DMD: variants seen among roughly 807,000 people sequenced by gnomAD.
The protein encoded by DMD is mutant dystrophin.
A neutral mutation model predicts 330.1 loss-of-function variants in DMD; 63 were observed. That is an observed-to-expected ratio of 0.19 (90% CI 0.16 to 0.24). The LOEUF (loss-of-function observed/expected upper bound fraction) is 0.24, where lower values mean the gene tolerates loss of function less well. Among genes scored for constraint, DMD ranks in the 10% least tolerant of loss-of-function variants. DMD has a pLI of 1.00. For synonymous variants in DMD, 1,223 were observed against 959.8 expected (o/e 1.27, Z -5.07); for missense variants, 3,344 against 2,684.1 (o/e 1.25, Z -5.43).
chrX:32,160,274 T>C (rs1158799983), intron 44 of DMD, among the ~76,000 whole-genome samples: 1 of 108,586 alleles, frequency 9.2e-6, no homozygotes, highest in Non-Finnish European at 1.9e-5. Context: ...CACTCTGTCA[T>C]GTGGGCTGGA....
intron 4 of DMD, among the ~76,000 whole-genome samples, chrX:32,842,792 G>C (rs1283301674): frequency 9.3e-6 from 1 of 107,189 alleles, no homozygotes; most frequent in Non-Finnish European, 1.9e-5. Context: ...ATTTCATGCT[G>C]TATATGTACC....
At chrX:31,555,017 G>A (rs1242248610) in intron 55 of DMD, among the ~76,000 whole-genome samples, 2 of 111,831 alleles carry the variant, frequency 1.8e-5, no homozygotes, top group Non-Finnish European at 3.8e-5. Flanking sequence ...CCATTTGATG[G>A]AGGGCCAGAA....
intron 49 of DMD, among the ~76,000 whole-genome samples, chrX:31,826,886 T>C (rs976341241): frequency 8.9e-6 from 1 of 112,123 alleles, no homozygotes; most frequent in African/African-American, 3.2e-5. Flanking sequence ...TGAATTCGTG[T>C]TCTACCAAAA....
chrX:32,475,100 T>A (rs1297309596), intron 21 of DMD, among the ~76,000 whole-genome samples: 1 of 111,394 alleles, frequency 9.0e-6, no homozygotes, highest in African/African-American at 3.3e-5. Flanking sequence ...CAGCACCATT[T>A]GATGAAAAGG....
At position 32,153,295 on chromosome X, in the gene DMD, C is replaced by T. The variant is rs879085411; in HGVS notation, c.6438+63621G>A. On this transcript the variant is annotated intron_variant, in intron 44 of 78. Coordinates refer to ENST00000357033, the MANE Select transcript of DMD (RefSeq NM_004006.3). ...TTAATGATTAAATAAGCACTCTTAG[C>T]GAAGACCTTTAAGTGTTATTTTTTA... 2.0e-4 allele frequency among the ~76,000 whole-genome samples: 22 copies of T among 111,540 alleles called. 1 individual carries two copies. The highest frequency in any genetic ancestry group is 9.6e-4 in the Admixed American group (10 of 10,463).
chrX:31,987,927 T>C (rs1435445081), intron 44 of DMD, among the ~76,000 whole-genome samples: 1 of 112,014 alleles, frequency 8.9e-6, no homozygotes, highest in East Asian at 2.8e-4. Context: ...AGCCAAGATA[T>C]AGAATCAACT....
intron 41 of DMD, among the ~76,000 whole-genome samples, chrX:32,328,988 C>G (rs1307523637): frequency 1.8e-5 from 2 of 111,428 alleles, no homozygotes; most frequent in African/African-American, 6.5e-5. Flanking sequence ...ACAACCAACT[C>G]TGAAACTGCA....
chrX:31,206,698 TACTG>T, intron 65 of DMD, 31 bp from the exon 66 acceptor site: 2 of 1,123,622 alleles, frequency 1.8e-6, no homozygotes, highest in Non-Finnish European at 2.4e-6. Flanking sequence ...AGAAAACAAT[TACTG>T]ACCCTTTCCT....
At chrX:32,030,235 A>C (rs935929952) in intron 44 of DMD, among the ~76,000 whole-genome samples, 3 of 112,315 alleles carry the variant, frequency 2.7e-5, no homozygotes, top group African/African-American at 9.7e-5. Flanking sequence ...CTGTTATCTA[A>C]TTGTTATTTG....
chrX:32,739,324 T>C (rs779644464), intron 7 of DMD, among the ~76,000 whole-genome samples: 2 of 111,935 alleles, frequency 1.8e-5, no homozygotes, highest in South Asian at 7.4e-4. Context: ...CCAAGTCTTT[T>C]ACCCTAATGT....
intron 17 of DMD, among the ~76,000 whole-genome samples, chrX:32,528,603 T>A (rs1451409434): frequency 9.0e-6 from 1 of 111,250 alleles, no homozygotes; most frequent in African/African-American, 3.3e-5. Flanking sequence ...AGAAGGGAAG[T>A]GGGGGTCAGA....
chrX:32,528,079 C>T (rs972144447), intron 17 of DMD, among the ~76,000 whole-genome samples: 1 of 111,927 alleles, frequency 8.9e-6, no homozygotes, highest in African/African-American at 3.3e-5. Flanking sequence ...GAGGCCGAGG[C>T]GGGCAGTTCA....
rs73466395 is a variant in DMD, at chrX:31,364,131, C to G, written c.9085-15497G>C. On this transcript the variant is annotated intron_variant, in intron 60 of 78. Transcript: ENST00000357033. ...TGTGCTGACACAGAGTCTAGAAGAT[C>G]TGCATTGTGATCTGATGGCTTCCCT... Among the ~76,000 whole-genome samples the G allele has an allele frequency of 0.012, 1,316 of 112,793 alleles. 14 individuals are homozygous for G. The highest frequency in any genetic ancestry group is 0.04 in the African/African-American group (1,238 of 31,105).
Position 32,982,271 on chromosome X carries a change from A to T in DMD, c.93+37868T>A, listed in dbSNP as rs191791423. 1.3e-4 allele frequency among the ~76,000 whole-genome samples: 15 copies of T among 111,673 alleles called. No individual in the cohort carries two copies. The East Asian group carries it at 2.8e-3, about 21-fold the overall frequency. ...TGCAAATTAGTATAAGCCTTTGCTC[A>T]TCCATTCCAAGTAAAGCAGAAGCAC... is the stretch of plus-strand genomic sequence containing the variant. On this transcript the variant is annotated intron_variant, in intron 2 of 78. Coordinates refer to ENST00000357033, the MANE Select transcript of DMD (RefSeq NM_004006.3).
At chrX:31,729,052 G>A (rs1224930545) in intron 52 of DMD, among the ~76,000 whole-genome samples, 1 of 111,866 alleles carries the variant, frequency 8.9e-6, no homozygotes, top group Non-Finnish European at 1.9e-5. Context: ...CCATTAAATG[G>A]ATAGGAGTGT....
chrX:31,416,792 A>C (rs1569539966), intron 60 of DMD, among the ~76,000 whole-genome samples: 1 of 112,103 alleles, frequency 8.9e-6, no homozygotes, highest in Non-Finnish European at 1.9e-5. Flanking sequence ...CACGTGACCT[A>C]AATTCACTTA....
intron 44 of DMD, among the ~76,000 whole-genome samples, chrX:32,133,391 C>T (rs1262669845): frequency 2.7e-5 from 3 of 111,214 alleles, no homozygotes; most frequent in Non-Finnish European, 5.7e-5. Flanking sequence ...GTTGTCATTT[C>T]TATCTATATT....
At chrX:32,316,780 G>T (rs757885461) in intron 41 of DMD, among the ~76,000 whole-genome samples, 2 of 110,680 alleles carry the variant, frequency 1.8e-5, no homozygotes, top group Non-Finnish European at 3.8e-5. Flanking sequence ...TGAATCAAAA[G>T]AGAACCAGAC....
At chrX:31,604,257 C>A (rs758977370) in intron 55 of DMD, among the ~76,000 whole-genome samples, 9 of 111,892 alleles carry the variant, frequency 8.0e-5, no homozygotes, top group Non-Finnish European at 1.7e-4. Context: ...CATAGTAACT[C>A]ATTGTTTTAC....
Sources: allele counts gnomAD v4.1 joint callset (sites outside exome capture counted in the v4.1 genomes callset), GRCh38; gene constraint gnomAD v4.1.1; transcripts MANE v1.5; gene names NCBI Gene and HGNC (gene_info 2026-07-23, HGNC 2026-07-21).